CGNL1: variants seen among roughly 807,000 people sequenced by gnomAD.
CGNL1 encodes cingulin like 1.
CGNL1 carries 132 observed loss-of-function variants against 141.2 expected under a neutral mutation model. That is an observed-to-expected ratio of 0.93 (90% CI 0.81 to 1.08). The LOEUF (loss-of-function observed/expected upper bound fraction) is 1.08. Ranked by LOEUF, CGNL1 falls within the 50% of genes least tolerant of loss-of-function variation. CGNL1 has a pLI of 0.00. For missense variants in CGNL1, 1,870 were observed against 1,588.6 expected, an observed-to-expected ratio of 1.18 and a Z score of -3.01; for synonymous variants, 690 against 622.1, an observed-to-expected ratio of 1.11 and a Z score of -1.63.
chr15:57,450,154 A>G (rs1358013335), intron 4 of CGNL1, among the ~76,000 whole-genome samples: 5 of 152,216 alleles, frequency 3.3e-5, no homozygotes, highest in Non-Finnish European at 7.3e-5. Flanking sequence ...AATTATCTGT[A>G]TCATGTTGCA....
chr15:57,404,877 C>G (rs12909385), intron 1 of CGNL1, among the ~76,000 whole-genome samples: 1 of 152,006 alleles, frequency 6.6e-6, no homozygotes, highest in Non-Finnish European at 1.5e-5. Context: ...TCCTTGGAGC[C>G]GTAAGACCCC....
Position 57,453,713 on chromosome 15 carries a change from G to C in CGNL1, c.2085G>C (p.Gln695His). Reference protein sequence around the residue: ...ELFQVKMEREQHQTEIRDLQD... With the variant: ...ELFQVKMEREHHQTEIRDLQD... ...TCCAGGTGAAGATGGAACGGGAGCA[G>C]CATCAGACTGAGATCAGGGATCTCC... The change falls in exon 7 of 19, where the codon CAG becomes CAC. Residue 695 changes from glutamine to histidine, a missense_variant. Transcript: ENST00000281282. 2 of 1,613,940 alleles carry C rather than the reference G, an allele frequency of 1.2e-6. No homozygotes were observed. Among genetic ancestry groups the C allele is most frequent in the Non-Finnish European group, 1.7e-6 (2 of 1,179,916 alleles).
chr15:57,545,954 G>T, intron 17 of CGNL1, 122 bp from the exon 18 acceptor site: 1 of 1,111,876 alleles, frequency 9.0e-7, no homozygotes, highest in South Asian at 1.6e-5. Context: ...TTTCCCAAGA[G>T]ACTGGCTGCC....
chr15:57,547,571 T>A lies in CGNL1; in HGVS notation c.*81T>A. The A allele has an allele frequency of 6.6e-7, 1 of 1,511,022 alleles. No individual in the cohort carries two copies. 93.6% of individuals were successfully genotyped at this position (1,511,022 alleles called of 1,614,324 possible). ...AAAGTGGGAGGCAGGGAGGGGAGCA[T>A]CTGTCTGCCACTGAGACCAATCACA... On this transcript the variant is annotated 3_prime_UTR_variant, in exon 19 of 19. Transcript: ENST00000281282.
At chr15:57,383,801 A>ATG (rs3051174) in intron 1 of CGNL1, among the ~76,000 whole-genome samples, 4,740 of 149,446 alleles carry the variant, frequency 0.032, 251 homozygotes, top group African/African-American at 0.11. Context: ...GCTAATTTTT[A>ATG]TGTGTGTGTG....
At position 57,524,346 on chromosome 15, in the gene CGNL1, C is replaced by A. The variant is rs1052030284; in HGVS notation, c.2869-235C>A. Reference sequence around the variant, plus strand: ...ATGTACTGGTAAGTGGCACAGCAGCCCTAGGACCCTGAGGCTGTGTGCCTG... The same window carrying A: ...ATGTACTGGTAAGTGGCACAGCAGCACTAGGACCCTGAGGCTGTGTGCCTG... On this transcript the variant is annotated intron_variant, in intron 11 of 18. Coordinates refer to ENST00000281282, the MANE Select transcript of CGNL1 (RefSeq NM_032866.5). Among the ~76,000 whole-genome samples the A allele has an allele frequency of 2.0e-5, 3 of 152,150 alleles. No homozygotes were observed. The East Asian group carries it at 5.8e-4, about 29-fold the overall frequency.
At chr15:57,453,912 A>G in intron 7 of CGNL1, 94 bp downstream of exon 7, 2 of 1,416,878 alleles carry the variant, frequency 1.4e-6, no homozygotes, top group Non-Finnish European at 2.0e-6. Flanking sequence ...CCACTTTCTG[A>G]TGTGCACACC....
rs1388645962 is a variant in CGNL1 at position 57,513,679 on chromosome 15, C to G, written c.2404-3101C>G. Among the ~76,000 whole-genome samples the G allele has an allele frequency of 2.0e-5, 3 of 152,048 alleles. No homozygotes were observed. The East Asian group carries it at 5.8e-4, about 29-fold the overall frequency. ...GGGATTACAGGCACCTGCTACCATGCCTGGCTAATTTTTTGTATTTTTAGT... is the reference window on the plus strand; with the variant it reads ...GGGATTACAGGCACCTGCTACCATGGCTGGCTAATTTTTTGTATTTTTAGT... On this transcript the variant is annotated intron_variant, in intron 8 of 18. Transcript: ENST00000281282.
chr15:57,378,363 G>GTT lies in CGNL1; in HGVS notation c.-16+1830_-16+1831dup, dbSNP rs71116514. Among the ~76,000 whole-genome samples, 110 of 33,894 alleles carry GTT rather than the reference G, an allele frequency of 3.2e-3. 5 individuals carry two copies. The highest frequency in any genetic ancestry group is 3.8e-3 in the Non-Finnish European group (68 of 18,072). 22.2% of individuals were successfully genotyped at this position (33,894 alleles called of 152,430 possible). On this transcript the variant is annotated intron_variant, in intron 1 of 18. Coordinates refer to ENST00000281282, the MANE Select transcript of CGNL1 (RefSeq NM_032866.5). ...TTTCTTAGGGGGTGGCCCTCTATGT[G>GTT]TTTTTTTTTTTTTTTTTTTTTTTTT...
Position 57,377,402 on chromosome 15 carries a change from G to A in CGNL1, c.-16+835G>A, listed in dbSNP as rs562088051. Reference sequence around the variant, plus strand: ...GTCCCACTCCCAGAGATCTGGATTCGGCTTGCCTGGGTTGCAGCCTGGACA... The same window carrying A: ...GTCCCACTCCCAGAGATCTGGATTCAGCTTGCCTGGGTTGCAGCCTGGACA... On this transcript the variant is annotated intron_variant, in intron 1 of 18. Transcript: ENST00000281282. 5.3e-5 allele frequency among the ~76,000 whole-genome samples: 8 copies of A among 152,188 alleles called. No individual in the cohort carries two copies. The South Asian group carries it at 1.7e-3, about 32-fold the overall frequency.
rs191772200 is a variant in CGNL1 at position 57,421,345 on chromosome 15, G to A, written c.-15-16640G>A. 1.8e-4 allele frequency among the ~76,000 whole-genome samples: 27 copies of A among 152,182 alleles called. 1 individual carries two copies. The highest frequency in any genetic ancestry group is 1.6e-3 in the Admixed American group (25 of 15,280). ...TGATACACCATTATATATAGAAAAA[G>A]TATAGACATCCCTGTGCTGTGGAGA... is the stretch of plus-strand genomic sequence containing the variant. On this transcript the variant is annotated intron_variant, in intron 1 of 18. Coordinates refer to ENST00000281282, the MANE Select transcript of CGNL1 (RefSeq NM_032866.5).
chr15:57,524,254 A>ATATGAT (rs2031464365), intron 11 of CGNL1, among the ~76,000 whole-genome samples: 1 of 152,244 alleles, frequency 6.6e-6, no homozygotes. Context: ...TGTAAGGTAG[A>ATATGAT]TATGATTTCG....
chr15:57,536,250 T>A (rs1292864945), intron 14 of CGNL1, among the ~76,000 whole-genome samples: 1 of 152,206 alleles, frequency 6.6e-6, no homozygotes, highest in Non-Finnish European at 1.5e-5. Flanking sequence ...TACCTCCCAC[T>A]GGGTCCCTCC....
At position 57,439,258 on chromosome 15, in the gene CGNL1, G is replaced by C. The variant is rs147820782; in HGVS notation, c.1259G>C (p.Arg420Pro). Residue 420 changes from arginine (R) to proline (P), a missense_variant, in exon 2 of 19, where the codon CGG becomes CCG. Coordinates refer to ENST00000281282, the MANE Select transcript of CGNL1 (RefSeq NM_032866.5). ...NLGKSSEHLL[R>P]PSQVCPQRPL... ...GGCAAGTCAAGCGAACACCTCCTCC[G>C]GCCTTCCCAGGTGTGCCCGCAGCGG... The C allele has an allele frequency of 6.1e-5, 98 of 1,613,924 alleles. No individual in the cohort carries two copies. Among genetic ancestry groups the C allele is most frequent in the Non-Finnish European group, 7.9e-5 (93 of 1,180,048 alleles).
chr15:57,474,119 C>A (rs1266594223), intron 8 of CGNL1, among the ~76,000 whole-genome samples: 7 of 151,800 alleles, frequency 4.6e-5, no homozygotes, highest in African/African-American at 1.7e-4. Context: ...CCATATTGGC[C>A]AGGCTGGTCT....
chr15:57,478,830 G>T (rs1442794773), intron 8 of CGNL1, among the ~76,000 whole-genome samples: 1 of 152,064 alleles, frequency 6.6e-6, no homozygotes, highest in African/African-American at 2.4e-5. Context: ...TTAGAGATGG[G>T]GTTTTGCCGT....
intron 10 of CGNL1, among the ~76,000 whole-genome samples, chr15:57,521,860 G>C (rs972134262): frequency 3.3e-5 from 5 of 152,174 alleles, no homozygotes; most frequent in Admixed American, 1.3e-4. Context: ...TTCCTTTGGG[G>C]AGGGGGTTGA....
Position 57,547,426 on chromosome 15 carries a change from G to T in CGNL1, c.3845G>T (p.Ser1282Ile), listed in dbSNP as rs2032929101. The change falls in exon 19 of 19, where the codon AGC (serine) becomes ATC (isoleucine). Residue 1282 changes from serine to isoleucine, a missense_variant. By Grantham distance (142) the Ser-to-Ile change is moderately radical. Coordinates refer to ENST00000281282, the MANE Select transcript of CGNL1 (RefSeq NM_032866.5). ...GATGACCTCAGCACGGATGGGGGAA[G>T]CCTCTATGAGGCGCCTGTGAGCTAC... ...DDDDLSTDGG[S>I]LYEAPVSYTF... 6.2e-7 allele frequency: 1 copy of T among 1,614,228 alleles called. No individual in the cohort carries two copies. The highest frequency in any genetic ancestry group is 2.2e-5 in the East Asian group (1 of 44,888).
chr15:57,386,424 C>T (rs752517146), intron 1 of CGNL1, among the ~76,000 whole-genome samples: 2 of 152,158 alleles, frequency 1.3e-5, no homozygotes, highest in African/African-American at 2.4e-5. Flanking sequence ...GCATTTTTCA[C>T]GGGATCCGTT....
Sources: allele counts gnomAD v4.1 joint callset (sites outside exome capture counted in the v4.1 genomes callset), GRCh38; gene constraint gnomAD v4.1.1; transcripts MANE v1.5; gene names NCBI Gene and HGNC (gene_info 2026-07-23, HGNC 2026-07-21).